MALT1: variants seen among roughly 807,000 people sequenced by gnomAD.
MALT1 encodes the protein mucosa-associated lymphoid tissue lymphoma translocation protein 1.
A neutral mutation model predicts 85.5 loss-of-function variants in MALT1; 36 were observed. The ratio of observed to expected loss-of-function variants is 0.42; its 90% CI spans 0.32 to 0.56. The LOEUF is 0.56. Among genes scored for constraint, MALT1 ranks in the 20% least tolerant of loss-of-function variants. The probability of loss-of-function intolerance (pLI) is 0.10; values close to 1 mark genes in which losing one functional copy is unlikely to be tolerated. For synonymous variants in MALT1, 359 were observed against 361.3 expected (o/e 0.99, Z 0.07); for missense variants, 716 against 981.6 (o/e 0.73, Z 3.62).
At chr18:58,694,205 A>T (rs941005415) in intron 2 of MALT1, among the ~76,000 whole-genome samples, 2 of 152,158 alleles carry the variant, frequency 1.3e-5, no homozygotes, top group African/African-American at 4.8e-5. Flanking sequence ...GCTCTACTAT[A>T]TTTACTAAAG....
At chr18:58,688,549 A>T (rs1335402558) in intron 2 of MALT1, among the ~76,000 whole-genome samples, 1 of 149,498 alleles carries the variant, frequency 6.7e-6, no homozygotes, top group Non-Finnish European at 1.5e-5. Flanking sequence ...AAAAAAAAAA[A>T]AAAAAAAAAA....
At chr18:58,719,790 G>A (rs919912374) in intron 9 of MALT1, among the ~76,000 whole-genome samples, 2 of 152,164 alleles carry the variant, frequency 1.3e-5, no homozygotes, top group Non-Finnish European at 2.9e-5. Context: ...CTACCTTCCA[G>A]CAATACTGAG....
intron 1 of MALT1, among the ~76,000 whole-genome samples, chr18:58,679,273 A>G (rs1165426163): frequency 1.3e-5 from 2 of 152,280 alleles, no homozygotes; most frequent in African/African-American, 4.8e-5. Flanking sequence ...TTAAAAGAAT[A>G]GTTTTAATAA....
chr18:58,715,787 TCCA>T, intron 8 of MALT1, 145 bp from the exon 9 acceptor site: 1 of 657,394 alleles, frequency 1.5e-6, no homozygotes, highest in Non-Finnish European at 2.7e-6. Context: ...ATCGTTTTTT[TCCA>T]TTCAAGAGTG....
chr18:58,729,531 T>C (rs1355963604), intron 10 of MALT1, among the ~76,000 whole-genome samples: 1 of 149,516 alleles, frequency 6.7e-6, no homozygotes, highest in Non-Finnish European at 1.5e-5. Flanking sequence ...AGTCCTTTAA[T>C]ACAAGGAGAA....
At position 58,722,656 on chromosome 18, in the gene MALT1, T is replaced by C. The variant is rs552799715; in HGVS notation, c.1019-392T>C. ...CTTCCATTCTCAGCAAAACAGAACC[T>C]AATTTGATGGGAACCCAATTTCAAA... is the stretch of plus-strand genomic sequence containing the variant. On this transcript the variant is annotated intron_variant, in intron 9 of 16. Coordinates refer to ENST00000649217, the MANE Select transcript of MALT1 (RefSeq NM_006785.4). Among the ~76,000 whole-genome samples the C allele has an allele frequency of 2.6e-5, 4 of 152,366 alleles. No individual in the cohort carries two copies. The South Asian group carries it at 8.3e-4, about 32-fold the overall frequency.
intron 11 of MALT1, chr18:58,734,053 T>C: frequency 7.7e-7 from 1 of 1,291,940 alleles, no homozygotes; most frequent in African/African-American, 1.5e-5. Context: ...GATTTACTAT[T>C]TTTTTGCTTG....
intron 4 of MALT1, 76 bp from the exon 5 acceptor site, chr18:58,709,302 G>T: frequency 1.0e-6 from 1 of 959,454 alleles, no homozygotes; most frequent in South Asian, 2.2e-5. Context: ...GGGGGAACTT[G>T]ACACATCTCT....
intron 9 of MALT1, among the ~76,000 whole-genome samples, chr18:58,720,668 C>A (rs921336989): frequency 1.3e-5 from 2 of 152,132 alleles, no homozygotes; most frequent in African/African-American, 4.8e-5. Context: ...TTGATATCAG[C>A]AAAAACATCC....
chr18:58,707,194 T>C (rs1304503088), intron 4 of MALT1, among the ~76,000 whole-genome samples: 1 of 152,072 alleles, frequency 6.6e-6, no homozygotes, highest in Non-Finnish European at 1.5e-5. Context: ...TTTGGCTCTT[T>C]TTTTTTTCTT....
chr18:58,714,801 GATA>G, intron 8 of MALT1, among the ~76,000 whole-genome samples: 1 of 38,614 alleles, frequency 2.6e-5, no homozygotes, highest in East Asian at 1.2e-3. Context: ...GGAACCTGTG[GATA>G]GATCTGAAAA....
intron 7 of MALT1, among the ~76,000 whole-genome samples, chr18:58,713,869 T>C (rs2054865408): frequency 6.6e-6 from 1 of 152,182 alleles, no homozygotes; most frequent in Non-Finnish European, 1.5e-5. Context: ...ATGAAAACAG[T>C]GATGGCTTAG....
intron 1 of MALT1, among the ~76,000 whole-genome samples, chr18:58,677,007 A>G (rs1468011734): frequency 6.6e-6 from 1 of 152,196 alleles, no homozygotes; most frequent in Admixed American, 6.5e-5. Flanking sequence ...TAAAAAGTAA[A>G]GTACATTTGT....
intron 2 of MALT1, chr18:58,691,504 T>C (rs2054498637): frequency 9.7e-6 from 2 of 205,320 alleles, no homozygotes; most frequent in Admixed American, 6.2e-5. Context: ...TCTTAACAAG[T>C]GTGGCAAGAG....
At chr18:58,700,687 A>G (rs2054658920) in intron 4 of MALT1, 96 bp downstream of exon 4, 2 of 1,130,542 alleles carry the variant, frequency 1.8e-6, no homozygotes, top group East Asian at 5.9e-5. Flanking sequence ...AGTATCAAAA[A>G]ACATAGCAAA....
intron 4 of MALT1, among the ~76,000 whole-genome samples, chr18:58,706,872 C>A (rs932970272): frequency 6.6e-6 from 1 of 152,098 alleles, no homozygotes; most frequent in African/African-American, 2.4e-5. Context: ...GCTTGGAATT[C>A]TCTGATTCTT....
intron 2 of MALT1, among the ~76,000 whole-genome samples, chr18:58,689,936 GA>G (rs1468273316): frequency 1.3e-5 from 2 of 152,240 alleles, no homozygotes; most frequent in African/African-American, 4.8e-5. Context: ...GGTGAGCCTG[GA>G]GAAGAGCGGA....
At chr18:58,733,606 TGGAG>T (rs1427499532) in intron 11 of MALT1, 32 bp downstream of exon 11, 1 of 1,476,224 alleles carries the variant, frequency 6.8e-7, no homozygotes, top group East Asian at 2.3e-5. Context: ...AAAGAATTGT[TGGAG>T]TTAAATATCG....
chr18:58,698,842 T>C (rs976435581), intron 3 of MALT1, among the ~76,000 whole-genome samples: 1 of 152,124 alleles, frequency 6.6e-6, no homozygotes, highest in African/African-American at 2.4e-5. Context: ...ATAGCAAAGT[T>C]TGTGGTAATG....
Sources: gnomAD v4.1 joint callset for allele counts (sites outside exome capture counted in the v4.1 genomes callset) on GRCh38, gnomAD v4.1.1 for gene constraint, MANE v1.5 for transcripts, NCBI Gene and HGNC (gene_info 2026-07-23, HGNC 2026-07-21) for gene names.